HSD17B8: variants seen among roughly 807,000 people sequenced by gnomAD.
HSD17B8 encodes the protein hydroxysteroid 17-beta dehydrogenase 8.
A neutral mutation model predicts 33.2 loss-of-function variants in HSD17B8; 23 were observed. The observed-to-expected ratio is 0.69, with a 90% CI of 0.50 to 0.98. The LOEUF (loss-of-function observed/expected upper bound fraction) is 0.98. Among genes scored for constraint, HSD17B8 ranks in the 50% least tolerant of loss-of-function variants. The pLI is 0.00. For synonymous variants in HSD17B8, 137 were observed against 138.6 expected, an observed-to-expected ratio of 0.99 and a Z score of 0.08; for missense variants, 345 against 347.5, an observed-to-expected ratio of 0.99 and a Z score of 0.06.
chr6:33,205,264 G>A lies in HSD17B8; in HGVS notation c.314G>A (p.Gly105Asp), dbSNP rs1357747144. The stretch of plus-strand genomic sequence containing the variant: ...CCATCTGTCGTTGTGTCCTGTGCGG[G>A]CATCACCCAGGATGAGTTTCTGCTG... ...RPPSVVVSCA[G>D]ITQDEFLLHM... Residue 105 changes from glycine (G) to aspartate (D), a missense_variant, in exon 3 of 9, where the codon GGC becomes GAC. Transcript: ENST00000374662. The surrounding 1 kb of genome is among the most constrained non-coding windows in gnomAD (Gnocchi z 5.0). 2 of 1,613,310 alleles carry A rather than the reference G, an allele frequency of 1.2e-6. No individual in the cohort carries two copies. The highest frequency in any genetic ancestry group is 2.7e-5 in the African/African-American group (2 of 75,038).
In HSD17B8 at chr6:33,206,824, C is replaced by G; in HGVS notation, c.*170C>G. The G allele has an allele frequency of 1.4e-6, 1 of 694,120 alleles. No individual in the cohort carries two copies. Among genetic ancestry groups the G allele is most frequent in the Non-Finnish European group, 2.6e-6 (1 of 388,730 alleles). The allele number at this position is 694,120 out of a possible 1,614,324, so 43.0% of individuals were successfully genotyped here. On this transcript the variant is annotated 3_prime_UTR_variant, in exon 9 of 9. Transcript: ENST00000374662. This position sits in a 1 kb window ranked among gnomAD's most constrained non-coding sequence, Gnocchi z 6.2. ...ACCCTAATAAATTCCAAGTCCTCTT[C>G]CCTGCCACCTCCGGCTCTTCTTGTG...
Position 33,206,278 on chromosome 6 carries a change from G to C in HSD17B8, c.695-97G>C. The C allele has an allele frequency of 6.4e-7, 1 of 1,553,288 alleles. No individual in the cohort carries two copies. ...GGGACTGGTGGTTGGTGTCTGTGGAGAGGTTTGTGGGGAGGGATGTCTTTG... is the reference window on the plus strand; with the variant it reads ...GGGACTGGTGGTTGGTGTCTGTGGACAGGTTTGTGGGGAGGGATGTCTTTG... On this transcript the variant is annotated intron_variant, in intron 7 of 8. Transcript: ENST00000374662. This position sits in a 1 kb window ranked among gnomAD's most constrained non-coding sequence, Gnocchi z 6.2.
In HSD17B8 at chr6:33,205,612, T is replaced by G; in HGVS notation, c.481-28T>G. 6.2e-7 allele frequency: 1 copy of G among 1,612,294 alleles called. No homozygotes were observed. The highest frequency in any genetic ancestry group is 8.5e-7 in the Non-Finnish European group (1 of 1,179,318). On this transcript the variant is annotated intron_variant, in intron 4 of 8. Transcript: ENST00000374662. This position sits in a 1 kb window ranked among gnomAD's most constrained non-coding sequence, Gnocchi z 5.0. Reference sequence around the variant, plus strand: ...AGAACCCCTCCTTGAGACTCCTGACTCATTCCACATCTCTGACTCACCTAT... The same window carrying G: ...AGAACCCCTCCTTGAGACTCCTGACGCATTCCACATCTCTGACTCACCTAT...
Position 33,206,573 on chromosome 6 carries a change from G to A in HSD17B8, c.770-65G>A, listed in dbSNP as rs1775079405. On this transcript the variant is annotated intron_variant, in intron 8 of 8. Coordinates refer to ENST00000374662, the MANE Select transcript of HSD17B8 (RefSeq NM_014234.5). This position sits in a 1 kb window ranked among gnomAD's most constrained non-coding sequence, Gnocchi z 6.2. ...GGTTCCCAAGGCCAGGGACAGAAGT[G>A]GGTACCCCCTAGCCCATTTGTGTCT... is the stretch of plus-strand genomic sequence containing the variant. The A allele has an allele frequency of 2.5e-6, 4 of 1,587,654 alleles. No homozygotes were observed. The Admixed American group carries it at 6.7e-5, about 26-fold the overall frequency.
chr6:33,206,292 G>C lies in HSD17B8; in HGVS notation c.695-83G>C. 6.4e-7 allele frequency: 1 copy of C among 1,552,794 alleles called. No homozygotes were observed. The highest frequency in any genetic ancestry group is 8.9e-7 in the Non-Finnish European group (1 of 1,125,846). On this transcript the variant is annotated intron_variant, in intron 7 of 8. Coordinates refer to ENST00000374662, the MANE Select transcript of HSD17B8 (RefSeq NM_014234.5). The surrounding 1 kb of genome is among the most constrained non-coding windows in gnomAD (Gnocchi z 6.2). Reference sequence around the variant, plus strand: ...GTGTCTGTGGAGAGGTTTGTGGGGAGGGATGTCTTTGGTGGGAGATTATGG... The same window carrying C: ...GTGTCTGTGGAGAGGTTTGTGGGGACGGATGTCTTTGGTGGGAGATTATGG...
At position 33,205,822 on chromosome 6, in the gene HSD17B8, CCA is replaced by C. The variant is rs761488545; in HGVS notation, c.567-3_567-2del. 3 of 1,612,842 alleles carry C rather than the reference CCA, an allele frequency of 1.9e-6. No individual in the cohort carries two copies. The Admixed American group carries it at 5.0e-5, about 27-fold the overall frequency. On this transcript the variant is annotated splice_polypyrimidine_tract_variant and splice_region_variant and intron_variant, in intron 5 of 8. Transcript: ENST00000374662. The surrounding 1 kb of genome is among the most constrained non-coding windows in gnomAD (Gnocchi z 5.0). ...CCAGAATCGGCAGCCACTCTCCTTC[CCA>C]CAGACATGGGATCCGCTGTAACTCT...
chr6:33,206,571 G>A lies in HSD17B8; in HGVS notation c.770-67G>A. On this transcript the variant is annotated intron_variant, in intron 8 of 8. Coordinates refer to ENST00000374662, the MANE Select transcript of HSD17B8 (RefSeq NM_014234.5). The surrounding 1 kb of genome is among the most constrained non-coding windows in gnomAD (Gnocchi z 6.2). ...GAGGTTCCCAAGGCCAGGGACAGAA[G>A]TGGGTACCCCCTAGCCCATTTGTGT... 6.3e-7 allele frequency: 1 copy of A among 1,586,380 alleles called. No individual in the cohort carries two copies. Among genetic ancestry groups the A allele is most frequent in the South Asian group, 1.1e-5 (1 of 90,510 alleles).
chr6:33,206,802 C>A lies in HSD17B8; in HGVS notation c.*148C>A. On this transcript the variant is annotated 3_prime_UTR_variant, in exon 9 of 9. Coordinates refer to ENST00000374662, the MANE Select transcript of HSD17B8 (RefSeq NM_014234.5). This position sits in a 1 kb window ranked among gnomAD's most constrained non-coding sequence, Gnocchi z 6.2. ...ATGGGAAGCAGGGGTGCTTGTGACCCTAATAAATTCCAAGTCCTCTTCCCT... is the reference window on the plus strand; with the variant it reads ...ATGGGAAGCAGGGGTGCTTGTGACCATAATAAATTCCAAGTCCTCTTCCCT... 1 of 844,808 alleles carries A rather than the reference C, an allele frequency of 1.2e-6. No homozygotes were observed. Among genetic ancestry groups the A allele is most frequent in the Non-Finnish European group, 2.0e-6 (1 of 505,816 alleles). The allele number at this position is 844,808 out of a possible 1,614,324, so 52.3% of individuals were successfully genotyped here.
rs769997723 is a variant in HSD17B8, at chr6:33,206,206, G to C, written c.694+30G>C. Reference sequence around the variant, plus strand: ...GCACTGAATGTAGTGGGGTCCCTGGGAAGGGGGCCTGAATGAAGAGATCCC... The same window carrying C: ...GCACTGAATGTAGTGGGGTCCCTGGCAAGGGGGCCTGAATGAAGAGATCCC... On this transcript the variant is annotated intron_variant, in intron 7 of 8. Transcript: ENST00000374662. This position sits in a 1 kb window ranked among gnomAD's most constrained non-coding sequence, Gnocchi z 6.2. 3.7e-6 allele frequency: 6 copies of C among 1,609,696 alleles called. No individual in the cohort carries two copies. In the Admixed American group the frequency reaches 1.0e-4, roughly 27 times the overall value.
chr6:33,205,606 C>G lies in HSD17B8; in HGVS notation c.481-34C>G. On this transcript the variant is annotated intron_variant, in intron 4 of 8. Transcript: ENST00000374662. This position sits in a 1 kb window ranked among gnomAD's most constrained non-coding sequence, Gnocchi z 5.0. Reference sequence around the variant, plus strand: ...GAGAGGAGAACCCCTCCTTGAGACTCCTGACTCATTCCACATCTCTGACTC... The same window carrying G: ...GAGAGGAGAACCCCTCCTTGAGACTGCTGACTCATTCCACATCTCTGACTC... 6.2e-7 allele frequency: 1 copy of G among 1,611,572 alleles called. No individual in the cohort carries two copies. Among genetic ancestry groups the G allele is most frequent in the Non-Finnish European group, 8.5e-7 (1 of 1,178,656 alleles).
In HSD17B8 at chr6:33,204,701, C is replaced by A; in HGVS notation, c.33C>A (p.Ser11=). Residue 11 remains serine (S), a synonymous_variant, in exon 1 of 9, where the codon TCC becomes TCA. Coordinates refer to ENST00000374662, the MANE Select transcript of HSD17B8 (RefSeq NM_014234.5). The stretch of plus-strand genomic sequence containing the variant: ...CTCAGCTCCAGAACCGACTCCGCTC[C>A]GCACTGGCCTTGGTCACAGGTTGAG... MASQLQNRLR[S]ALALVTGAGS... 2 of 1,613,106 alleles carry A rather than the reference C, an allele frequency of 1.2e-6. No individual in the cohort carries two copies. Among genetic ancestry groups the A allele is most frequent in the Non-Finnish European group, 1.7e-6 (2 of 1,180,042 alleles).
chr6:33,205,997 G>GAGAGAGAGA lies in HSD17B8; in HGVS notation c.651+86_651+87insGAGAGAGAA. The GAGAGAGAGA allele has an allele frequency of 7.5e-7, 1 of 1,328,560 alleles. No homozygotes were observed. 82.3% of individuals were successfully genotyped at this position (1,328,560 alleles called of 1,614,324 possible). A position where few individuals can be genotyped will look rare whatever the true frequency, so the allele number is the denominator to read the frequency against. On this transcript the variant is annotated intron_variant, in intron 6 of 8. Coordinates refer to ENST00000374662, the MANE Select transcript of HSD17B8 (RefSeq NM_014234.5). This position sits in a 1 kb window ranked among gnomAD's most constrained non-coding sequence, Gnocchi z 5.0. The stretch of plus-strand genomic sequence containing the variant: ...AGAGAGAGAGAGAGAGAGAGAGAGA[G>GAGAGAGAGA]AATACTGGGCACAGTTCCTGGCAAA...
Position 33,206,803 on chromosome 6 carries a change from T to A in HSD17B8, c.*149T>A. ...TGGGAAGCAGGGGTGCTTGTGACCC[T>A]AATAAATTCCAAGTCCTCTTCCCTG... On this transcript the variant is annotated 3_prime_UTR_variant, in exon 9 of 9. Coordinates refer to ENST00000374662, the MANE Select transcript of HSD17B8 (RefSeq NM_014234.5). The surrounding 1 kb of genome is among the most constrained non-coding windows in gnomAD (Gnocchi z 6.2). 1 of 843,502 alleles carries A rather than the reference T, an allele frequency of 1.2e-6. No homozygotes were observed. The highest frequency in any genetic ancestry group is 1.5e-5 in the South Asian group (1 of 68,250). The allele number at this position is 843,502 out of a possible 1,614,324, so 52.3% of individuals were successfully genotyped here.
At chr6:33,204,863 C>G in intron 1 of HSD17B8, 39 bp from the exon 2 acceptor site, 1 of 1,492,006 alleles carries the variant, frequency 6.7e-7, no homozygotes, top group Non-Finnish European at 8.9e-7. Flanking sequence ...CTGCCCTCTC[C>G]TCCCCGTGCC....
chr6:33,205,292 C>T lies in HSD17B8; in HGVS notation c.342C>T (p.His114=), dbSNP rs755080187. ...AGITQDEFLL[H]MSEDDWDKVI... Reference sequence around the variant, plus strand: ...TCACCCAGGATGAGTTTCTGCTGCACATGTCTGAGGATGACTGGGACAAAG... The same window carrying T: ...TCACCCAGGATGAGTTTCTGCTGCATATGTCTGAGGATGACTGGGACAAAG... Residue 114 remains histidine (H), a synonymous_variant, in exon 3 of 9, where the codon CAC becomes CAT. Coordinates refer to ENST00000374662, the MANE Select transcript of HSD17B8 (RefSeq NM_014234.5). The surrounding 1 kb of genome is among the most constrained non-coding windows in gnomAD (Gnocchi z 5.0). 3 of 1,613,448 alleles carry T rather than the reference C, an allele frequency of 1.9e-6. No homozygotes were observed. In the Admixed American group the frequency reaches 5.0e-5, roughly 27 times the overall value.
Position 33,205,987 on chromosome 6 carries a change from G to GAGAA in HSD17B8, c.651+78_651+79insAAGA. ...TGGGCTTCACAGAGAGAGAGAGAGA[G>GAGAA]AGAGAGAGAGAATACTGGGCACAGT... On this transcript the variant is annotated intron_variant, in intron 6 of 8. Coordinates refer to ENST00000374662, the MANE Select transcript of HSD17B8 (RefSeq NM_014234.5). This position sits in a 1 kb window ranked among gnomAD's most constrained non-coding sequence, Gnocchi z 5.0. The GAGAA allele has an allele frequency of 7.0e-7, 1 of 1,437,344 alleles. No homozygotes were observed. The highest frequency in any genetic ancestry group is 9.8e-7 in the Non-Finnish European group (1 of 1,022,398). The allele number at this position is 1,437,344 out of a possible 1,614,324, so 89.0% of individuals were successfully genotyped here. A position where few individuals can be genotyped will look rare whatever the true frequency, so the allele number is the denominator to read the frequency against.
Position 33,204,985 on chromosome 6 carries a change from G to T in HSD17B8, c.136G>T (p.Ala46Ser). 1 of 1,485,178 alleles carries T rather than the reference G, an allele frequency of 6.7e-7. No individual in the cohort carries two copies. 92.0% of individuals were successfully genotyped at this position (1,485,178 alleles called of 1,614,324 possible). A position where few individuals can be genotyped will look rare whatever the true frequency, so the allele number is the denominator to read the frequency against. ...ATVAACDLDRAAAQETVRLLG... is the reference protein window; with the variant it reads ...ATVAACDLDRSAAQETVRLLG... The stretch of plus-strand genomic sequence containing the variant: ...CGTAGCTGCCTGCGACCTGGACCGG[G>T]CAGCGGCACAGGAGACGGTGCGGCT... The change falls in exon 2 of 9, where the codon GCA becomes TCA. Residue 46 changes from alanine to serine, a missense_variant. By Grantham distance (99) the Ala-to-Ser change is moderately conservative. Transcript: ENST00000374662.
At position 33,205,775 on chromosome 6, in the gene HSD17B8, A is replaced by G; in HGVS notation, c.566+50A>G. The G allele has an allele frequency of 6.2e-7, 1 of 1,607,964 alleles. No individual in the cohort carries two copies. Among genetic ancestry groups the G allele is most frequent in the Non-Finnish European group, 8.5e-7 (1 of 1,175,400 alleles). On this transcript the variant is annotated intron_variant, in intron 5 of 8. Transcript: ENST00000374662. The surrounding 1 kb of genome is among the most constrained non-coding windows in gnomAD (Gnocchi z 5.0). ...GGGGAGCACCTGGGGGGTCTGAGGG[A>G]GGTACCAGCATTCAGCCCTCTCCAG...
chr6:33,205,971 C>CACAG lies in HSD17B8; in HGVS notation c.651+60_651+61insCAGA. 9.1e-7 allele frequency: 1 copy of CACAG among 1,101,802 alleles called. No individual in the cohort carries two copies. Among genetic ancestry groups the CACAG allele is most frequent in the Non-Finnish European group, 1.4e-6 (1 of 732,590 alleles). 68.3% of individuals were successfully genotyped at this position (1,101,802 alleles called of 1,614,324 possible). On this transcript the variant is annotated intron_variant, in intron 6 of 8. Coordinates refer to ENST00000374662, the MANE Select transcript of HSD17B8 (RefSeq NM_014234.5). The surrounding 1 kb of genome is among the most constrained non-coding windows in gnomAD (Gnocchi z 5.0). ...AGAGACTCAATCTCTCTGGGCTTCACAGAGAGAGAGAGAGAGAGAGAGAGA... is the reference window on the plus strand; with the variant it reads ...AGAGACTCAATCTCTCTGGGCTTCACACAGAGAGAGAGAGAGAGAGAGAGAGAGA...
Sources: gnomAD v4.1 joint callset for allele counts on GRCh38, gnomAD v4.1.1 for gene constraint, Gnocchi (gnomAD v3.1) non-coding constraint, MANE v1.5 for transcripts, NCBI Gene and HGNC (gene_info 2026-07-23, HGNC 2026-07-21) for gene names.